DPP8: variants seen among roughly 807,000 people sequenced by gnomAD.
DPP8 encodes the protein dipeptidyl peptidase 8.
Under a neutral mutation model 107.5 loss-of-function variants are expected in DPP8, and 31 were observed. The ratio of observed to expected loss-of-function variants is 0.29; its 90% confidence interval spans 0.22 to 0.39. The LOEUF is 0.39. Ranked by LOEUF, DPP8 falls within the 10% of genes least tolerant of loss-of-function variation. The pLI is 1.00. For synonymous variants in DPP8, 381 were observed against 356.6 expected, an observed-to-expected ratio of 1.07 and a Z score of -0.77; for missense variants, 842 against 1,076.1, an observed-to-expected ratio of 0.78 and a Z score of 3.04.
chr15:65,470,651 G>A (rs1186033058), intron 12 of DPP8, among the ~76,000 whole-genome samples: 1 of 151,684 alleles, frequency 6.6e-6, no homozygotes, highest in Non-Finnish European at 1.5e-5. Flanking sequence ...AGGTGTGGTG[G>A]CTCACGCCTG....
chr15:65,458,087 T>C (rs984461013), intron 15 of DPP8, among the ~76,000 whole-genome samples: 5 of 152,242 alleles, frequency 3.3e-5, no homozygotes, highest in African/African-American at 4.8e-5. Context: ...ATGGTCTCAA[T>C]TGCTTGATAT....
intron 3 of DPP8, among the ~76,000 whole-genome samples, chr15:65,500,993 TC>T (rs550772271): frequency 1.5e-3 from 220 of 149,812 alleles, no homozygotes; most frequent in African/African-American, 5.2e-3. Flanking sequence ...TTCTCCTGCC[TC>T]AGCCTTCCTA....
chr15:65,507,111 A>G (rs1340495979), intron 3 of DPP8, 132 bp downstream of exon 3: 2 of 480,244 alleles, frequency 4.2e-6, no homozygotes, highest in African/African-American at 4.0e-5. Context: ...TCAGGGTCAT[A>G]CATGCAAAAA....
intron 12 of DPP8, among the ~76,000 whole-genome samples, chr15:65,473,227 A>G (rs1231911226): frequency 6.6e-6 from 1 of 151,898 alleles, no homozygotes; most frequent in Non-Finnish European, 1.5e-5. Flanking sequence ...CGGGAGGCTG[A>G]AGCAGGAGAA....
At chr15:65,468,543 T>C (rs886446397) in intron 12 of DPP8, among the ~76,000 whole-genome samples, 1 of 151,670 alleles carries the variant, frequency 6.6e-6, no homozygotes, top group South Asian at 2.1e-4. Context: ...AAAACACATA[T>C]AAATTTCTAA....
intron 1 of DPP8, chr15:65,515,808 T>C (rs967787127): frequency 2.1e-6 from 2 of 947,958 alleles, no homozygotes; most frequent in Non-Finnish European, 3.2e-6. Flanking sequence ...ACCAGGATAA[T>C]GAAATAAGAT....
intron 5 of DPP8, among the ~76,000 whole-genome samples, chr15:65,493,135 G>A (rs981478033): frequency 4.0e-5 from 6 of 151,796 alleles, no homozygotes; most frequent in African/African-American, 1.5e-4. Context: ...CCAGGCTGGG[G>A]TGCAATAGCT....
At chr15:65,489,475 G>A (rs369661432) in intron 6 of DPP8, among the ~76,000 whole-genome samples, 4 of 135,324 alleles carry the variant, frequency 3.0e-5, no homozygotes, top group Non-Finnish European at 6.1e-5. Flanking sequence ...GTGCAGTGGC[G>A]TGATCTTGGC....
At chr15:65,500,035 A>T (rs529097853) in intron 4 of DPP8, among the ~76,000 whole-genome samples, 1 of 152,124 alleles carries the variant, frequency 6.6e-6, no homozygotes, top group Non-Finnish European at 1.5e-5. Flanking sequence ...ATCTGGGATT[A>T]AAGGTGTGCA....
intron 15 of DPP8, among the ~76,000 whole-genome samples, chr15:65,457,244 C>T (rs572631260): frequency 6.6e-6 from 1 of 152,258 alleles, no homozygotes; most frequent in African/African-American, 2.4e-5. Context: ...ATCCCAGTCA[C>T]TCGGGAGGCA....
intron 1 of DPP8, among the ~76,000 whole-genome samples, chr15:65,514,019 A>T (rs2071127715): frequency 6.6e-6 from 1 of 152,234 alleles, no homozygotes; most frequent in Non-Finnish European, 1.5e-5. Context: ...ACAAGGCTGT[A>T]CATTTAATAT....
intron 17 of DPP8, 85 bp downstream of exon 17, chr15:65,454,178 C>T: frequency 2.0e-6 from 2 of 991,112 alleles, no homozygotes; most frequent in Non-Finnish European, 2.8e-6. Flanking sequence ...TGTAAACCTT[C>T]AGAAAATAGA....
chr15:65,512,159 AT>A, intron 2 of DPP8, 135 bp downstream of exon 2: 1 of 883,484 alleles, frequency 1.1e-6, no homozygotes, highest in Admixed American at 2.2e-5. Flanking sequence ...AATTCTTCAA[AT>A]TATAGGCTTT....
chr15:65,489,322 G>GAA (rs2067765654), intron 6 of DPP8, among the ~76,000 whole-genome samples: 1 of 150,266 alleles, frequency 6.7e-6, no homozygotes, highest in Admixed American at 6.7e-5. Flanking sequence ...GCCTCTAGGA[G>GAA]AAAAACTGGC....
In DPP8 at chr15:65,443,049, T is replaced by A. The variant is rs141455472; in HGVS notation, c.*3835A>T. On this transcript the variant is annotated 3_prime_UTR_variant, in exon 20 of 20. Coordinates refer to ENST00000300141, the MANE Select transcript of DPP8 (RefSeq NM_130434.5). ...GACACATTTAGTGCAATGAGTTTAA[T>A]TAACTTCAGAATGTCATATACTAAT... 4 of 152,334 alleles carry A rather than the reference T, an allele frequency of 2.6e-5. No individual in the cohort carries two copies. In the East Asian group the frequency reaches 7.7e-4, roughly 29 times the overall value. The allele number at this position is 152,334 out of a possible 1,614,324, so 9.4% of individuals were successfully genotyped here. A position where few individuals can be genotyped will look rare whatever the true frequency, so the allele number is the denominator to read the frequency against.
chr15:65,512,501 G>A lies in DPP8; in HGVS notation c.53C>T (p.Ala18Val), dbSNP rs757736675. ...TGATTCAATATTCTCCTCACAGTCCGCAGTTTCAAATATCTCAACACCCAG... is the reference window on the plus strand; with the variant it reads ...TGATTCAATATTCTCCTCACAGTCCACAGTTTCAAATATCTCAACACCCAG... ...EQLGVEIFET[A>V]DCEENIESQD... The change falls in exon 2 of 20, where the codon GCG becomes GTG. Residue 18 changes from alanine (A) to valine (V), a missense_variant. Physicochemically the swap from Ala to Val is moderately conservative, Grantham distance 64. This residue lies in a region of DPP8 where 663 missense variants were observed against 758.0 expected (regional missense o/e 0.87). Transcript: ENST00000300141. The A allele has an allele frequency of 1.6e-5, 26 of 1,613,880 alleles. No homozygotes were observed. The highest frequency in any genetic ancestry group is 1.6e-4 in the Middle Eastern group (1 of 6,084).
In DPP8 at chr15:65,442,595, T is replaced by C. The variant is rs184477680; in HGVS notation, c.*4289A>G. The stretch of plus-strand genomic sequence containing the variant: ...AAAACCCATAAGCTTACTGGAGACA[T>C]GCAATTCTTTTTATACAAGTCAATG... On this transcript the variant is annotated 3_prime_UTR_variant, in exon 20 of 20. Coordinates refer to ENST00000300141, the MANE Select transcript of DPP8 (RefSeq NM_130434.5). 2.6e-5 allele frequency: 4 copies of C among 152,340 alleles called. No homozygotes were observed. Among genetic ancestry groups the C allele is most frequent in the Non-Finnish European group, 5.9e-5 (4 of 68,038 alleles). 9.4% of individuals were successfully genotyped at this position (152,340 alleles called of 1,614,324 possible).
intron 14 of DPP8, among the ~76,000 whole-genome samples, chr15:65,464,419 C>T (rs754460877): frequency 1.1e-4 from 16 of 152,030 alleles, no homozygotes; most frequent in South Asian, 2.1e-4. Flanking sequence ...CGGTGGCTCA[C>T]ACCTACAATC....
At chr15:65,514,975 A>G (rs1360707068) in intron 1 of DPP8, among the ~76,000 whole-genome samples, 2 of 152,146 alleles carry the variant, frequency 1.3e-5, no homozygotes, top group Non-Finnish European at 2.9e-5. Context: ...AGCTCAACAG[A>G]AAGACCTCCT....
Sources: gnomAD v4.1 joint callset for allele counts (sites outside exome capture counted in the v4.1 genomes callset) on GRCh38, gnomAD v4.1.1 for gene constraint, gnomAD v4.1.1 regional missense constraint, MANE v1.5 for transcripts, NCBI Gene and HGNC (gene_info 2026-07-23, HGNC 2026-07-21) for gene names.